Variants in MARCHF2 observed in about 807,000 individuals in gnomAD.
The protein encoded by MARCHF2 is E3 ubiquitin-protein ligase MARCHF2.
In MARCHF2, 22 loss-of-function variants were observed where a neutral mutation model predicts 24.0. That is an observed-to-expected ratio of 0.92 (90% CI 0.66 to 1.31). MARCHF2 has a LOEUF of 1.31. MARCHF2 is among the 50% of genes most tolerant of loss of function. The pLI is 0.00. For missense variants in MARCHF2, 301 were observed against 335.3 expected, an observed-to-expected ratio of 0.90 and a Z score of 0.80; for synonymous variants, 154 against 153.0, an observed-to-expected ratio of 1.01 and a Z score of -0.05.
At chr19:8,415,745 A>AAAAAAAAAAAAAAAAAAAC (rs1568233711) in intron 1 of MARCHF2, among the ~76,000 whole-genome samples, 14 of 53,990 alleles carry the variant, frequency 2.6e-4, no homozygotes, top group African/African-American at 4.6e-4. Context: ...CAAAAAAAAC[A>AAAAAAAAAAAAAAAAAAAC]AAAAAAAAAA....
chr19:8,438,487 C>T lies in MARCHF2; in HGVS notation c.682C>T (p.Gln228Ter), dbSNP rs1246263165. ...GGAGGCGGACAGCCCCGAGGGCCCC[C>T]AGCATTCTCCACTGGCAGCTGGACT... ...IREADSPEGP[Q>*]HSPLAAGLLK... Residue 228 changes from glutamine (Q) to a stop codon, truncating the protein, a stop_gained, in exon 5 of 5, where the codon CAG (glutamine) becomes TAG (stop). Transcript: ENST00000215555. LOFTEE classifies it high-confidence loss of function. 3.3e-5 allele frequency: 53 copies of T among 1,614,126 alleles called. No homozygotes were observed. The highest frequency in any genetic ancestry group is 4.5e-5 in the Non-Finnish European group (53 of 1,180,026).
At chr19:8,416,314 C>G (rs1377352206) in intron 1 of MARCHF2, among the ~76,000 whole-genome samples, 1 of 145,508 alleles carries the variant, frequency 6.9e-6, no homozygotes, top group East Asian at 2.0e-4. Flanking sequence ...GTACTCCAGC[C>G]TGGGCGACAG....
intron 2 of MARCHF2, among the ~76,000 whole-genome samples, chr19:8,425,623 T>C (rs1967377518): frequency 6.6e-6 from 1 of 151,244 alleles, no homozygotes; most frequent in South Asian, 2.1e-4. Context: ...TTGAGGATTT[T>C]TTTTTTTTTT....
chr19:8,434,314 A>ACCAG, intron 4 of MARCHF2, among the ~76,000 whole-genome samples: 1 of 151,734 alleles, frequency 6.6e-6, no homozygotes, highest in South Asian at 2.1e-4. Context: ...CGAACTCTTG[A>ACCAG]CCTCAGGTAT....
At chr19:8,433,108 A>G (rs974704500) in intron 4 of MARCHF2, among the ~76,000 whole-genome samples, 2 of 151,786 alleles carry the variant, frequency 1.3e-5, no homozygotes, top group South Asian at 4.1e-4. Flanking sequence ...AGTCTCAGCT[A>G]CTCCGGAGGG....
At chr19:8,415,745 A>AAAAAAAAAAAAAAAAAAAAAAAAC (rs1568233711) in intron 1 of MARCHF2, among the ~76,000 whole-genome samples, 9 of 54,004 alleles carry the variant, frequency 1.7e-4, no homozygotes, top group East Asian at 4.6e-4. Context: ...CAAAAAAAAC[A>AAAAAAAAAAAAAAAAAAAAAAAAC]AAAAAAAAAA....
At chr19:8,421,382 C>CTTTTTTTTTTTTTTTTTTTTT (rs1254772289) in intron 1 of MARCHF2, among the ~76,000 whole-genome samples, 1 of 111,620 alleles carries the variant, frequency 9.0e-6, no homozygotes, top group Admixed American at 1.1e-4. Flanking sequence ...TCTTTCTTTT[C>CTTTTTTTTTTTTTTTTTTTTT]TTTTTTTTTT....
At chr19:8,428,972 G>A (rs557060208) in intron 3 of MARCHF2, among the ~76,000 whole-genome samples, 2 of 143,658 alleles carry the variant, frequency 1.4e-5, no homozygotes, top group Non-Finnish European at 3.0e-5. Context: ...AAAGCCCCTG[G>A]CCCACCTAGG....
chr19:8,429,479 CTTATTATTATTATTATTATTATTA>C (rs144546795), intron 3 of MARCHF2, among the ~76,000 whole-genome samples: 1 of 142,326 alleles, frequency 7.0e-6, no homozygotes, highest in South Asian at 2.3e-4. Context: ...AATGAAAGAA[CTTATTATTATTATTATTATTATTA>C]TTATTATTAT....
chr19:8,434,013 C>G (rs975954875), intron 4 of MARCHF2, among the ~76,000 whole-genome samples: 2 of 151,954 alleles, frequency 1.3e-5, no homozygotes, highest in Admixed American at 1.3e-4. Flanking sequence ...TCAGACATAA[C>G]CACTATTGTC....
intron 1 of MARCHF2, among the ~76,000 whole-genome samples, chr19:8,417,214 C>G (rs1199486510): frequency 6.6e-6 from 1 of 151,970 alleles, no homozygotes; most frequent in Non-Finnish European, 1.5e-5. Flanking sequence ...GAGGCCGAGG[C>G]GGGCAGATCA....
In MARCHF2 at chr19:8,426,693, T is replaced by C. The variant is rs1383667084; in HGVS notation, c.261T>C (p.Gly87=). The C allele has an allele frequency of 1.2e-6, 2 of 1,613,796 alleles. No homozygotes were observed. Among genetic ancestry groups the C allele is most frequent in the Non-Finnish European group, 1.7e-6 (2 of 1,179,980 alleles). Residue 87 remains glycine, a synonymous_variant, in exon 3 of 5, where the codon GGT becomes GGC. Transcript: ENST00000215555. ...LSPCGCTGTL[G]AVHKSCLEKW... ...CGTGTGGCTGCACCGGCACGCTGGG[T>C]GCCGTGCATAAGAGCTGTCTGGAGA...
chr19:8,418,982 A>C (rs551561995), intron 1 of MARCHF2, among the ~76,000 whole-genome samples: 1 of 152,124 alleles, frequency 6.6e-6, no homozygotes, highest in South Asian at 2.1e-4. Flanking sequence ...GGGGTTGGAC[A>C]AGCTGGGAAC....
chr19:8,429,661 C>T (rs1260923363), intron 3 of MARCHF2, among the ~76,000 whole-genome samples: 6 of 151,622 alleles, frequency 4.0e-5, no homozygotes, highest in South Asian at 4.2e-4. Context: ...CGTGCTACCA[C>T]GCCCAGCTAA....
chr19:8,432,071 TC>T (rs1273122115), intron 4 of MARCHF2, among the ~76,000 whole-genome samples: 1 of 151,826 alleles, frequency 6.6e-6, no homozygotes, highest in Non-Finnish European at 1.5e-5. Flanking sequence ...GGCAGGAGCA[TC>T]GCTTAAACCC....
chr19:8,426,172 A>T (rs1967394336), intron 2 of MARCHF2, among the ~76,000 whole-genome samples: 1 of 141,302 alleles, frequency 7.1e-6, no homozygotes, highest in Non-Finnish European at 1.5e-5. Flanking sequence ...CGGAGCTTGC[A>T]GTGAGCCGAG....
In MARCHF2 at chr19:8,430,712, G is replaced by A; in HGVS notation, c.427G>A (p.Val143Met). Residue 143 changes from valine (V) to methionine (M), a missense_variant, in exon 4 of 5, where the codon GTG (valine) becomes ATG (methionine). Val to Met is a conservative substitution (Grantham distance 21). Transcript: ENST00000215555. The surrounding 1 kb of genome is among the most constrained non-coding windows in gnomAD (Gnocchi z 4.4). ...TEKRTLCCDMVCFLFITPLAA... is the reference protein window; with the variant it reads ...TEKRTLCCDMMCFLFITPLAA... ...GAAGCGGACACTGTGCTGCGACATG[G>A]TGTGTTTCCTGTTCATCACACCGCT... 4 of 1,611,398 alleles carry A rather than the reference G, an allele frequency of 2.5e-6. No homozygotes were observed. Among genetic ancestry groups the A allele is most frequent in the Non-Finnish European group, 3.4e-6 (4 of 1,179,954 alleles).
chr19:8,420,535 CA>C (rs767779814), intron 1 of MARCHF2, among the ~76,000 whole-genome samples: 11,296 of 66,912 alleles, frequency 0.17, 807 homozygotes, highest in African/African-American at 0.36. Context: ...AACTCTGTCT[CA>C]AAAAAAAAAA....
intron 1 of MARCHF2, among the ~76,000 whole-genome samples, chr19:8,420,164 T>A (rs1229163231): frequency 1.5e-4 from 16 of 107,912 alleles, no homozygotes; most frequent in African/African-American, 2.6e-4. Context: ...TCTCAAAAAA[T>A]AAATAAATAA....
Sources: gnomAD v4.1 joint callset for allele counts (sites outside exome capture counted in the v4.1 genomes callset) on GRCh38, gnomAD v4.1.1 for gene constraint, Gnocchi (gnomAD v3.1) non-coding constraint, MANE v1.5 for transcripts, NCBI Gene and HGNC (gene_info 2026-07-23, HGNC 2026-07-21) for gene names.